Variants in NRG1 observed in about 807,000 individuals in gnomAD.
The protein encoded by NRG1 is neuregulin 1, also known as pro-neuregulin-1, membrane-bound isoform.
NRG1 carries 18 observed loss-of-function variants against 63.8 expected under a neutral mutation model. The ratio of observed to expected loss-of-function variants is 0.28; its 90% CI spans 0.19 to 0.42. NRG1 has a LOEUF of 0.42. Among genes scored for constraint, NRG1 ranks in the 10% least tolerant of loss-of-function variants. The pLI is 1.00. For missense variants in NRG1, 762 were observed against 814.7 expected, an observed-to-expected ratio of 0.94 and a Z score of 0.79; for synonymous variants, 302 against 301.3, an observed-to-expected ratio of 1.00 and a Z score of -0.02.
chr8:32,259,984 G>A (rs1850184337), intron 1 of NRG1, among the ~76,000 whole-genome samples: 1 of 151,972 alleles, frequency 6.6e-6, no homozygotes, highest in Non-Finnish European at 1.5e-5. Flanking sequence ...CTTGAACTTG[G>A]TAATTAAATT....
At chr8:32,748,789 A>G (rs1564099950) in intron 7 of NRG1, 3 of 447,172 alleles carry the variant, frequency 6.7e-6, no homozygotes, top group Non-Finnish European at 1.3e-5. Flanking sequence ...TTACAGTTTG[A>G]AAAAAGTGAG....
intron 5 of NRG1, among the ~76,000 whole-genome samples, chr8:32,645,313 T>C (rs553458868): frequency 6.6e-6 from 1 of 152,180 alleles, no homozygotes; most frequent in African/African-American, 2.4e-5. Flanking sequence ...TAGGAATTAT[T>C]TTTAAACACC....
At chr8:32,078,788 G>A (rs892892606) in intron 1 of NRG1, among the ~76,000 whole-genome samples, 10 of 151,998 alleles carry the variant, frequency 6.6e-5, no homozygotes, top group African/African-American at 2.4e-4. Flanking sequence ...CCTCCCTCCT[G>A]TTTAGTTCCA....
chr8:31,797,782 C>A (rs1180310434), intron 1 of NRG1, among the ~76,000 whole-genome samples: 1 of 152,154 alleles, frequency 6.6e-6, no homozygotes, highest in African/African-American at 2.4e-5. Context: ...GATATAGAAT[C>A]CACCTAGGTG....
chr8:31,843,011 G>A (rs16878334), intron 1 of NRG1, among the ~76,000 whole-genome samples: 22,051 of 151,960 alleles, frequency 0.15, 2,003 homozygotes, highest in Non-Finnish European at 0.19. Context: ...TAAATTATGC[G>A]TATTAACACA....
chr8:31,688,613 C>T lies in NRG1; in HGVS notation c.37+49182C>T, dbSNP rs149048828. Among the ~76,000 whole-genome samples the T allele has an allele frequency of 2.2e-4, 34 of 152,068 alleles. No individual in the cohort carries two copies. The East Asian group carries it at 4.1e-3, about 18-fold the overall frequency. ...TCATAGACTAAAAAAACCAGTTTGC[C>T]GACTATACACATATATACACTATGA... On this transcript the variant is annotated intron_variant, in intron 1 of 10. Transcript: ENST00000519301.
rs1589634559 is a variant in NRG1 at position 32,759,292 on chromosome 8, CTT to C, written c.922-12_922-11del. On this transcript the variant is annotated splice_polypyrimidine_tract_variant and intron_variant, in intron 9 of 11. Transcript: ENST00000356819. The stretch of plus-strand genomic sequence containing the variant: ...CTACGTGAATCTTCAAGTTGTGTCT[CTT>C]TGTTTATCCAGCAATACGTATCTAA... 1.9e-6 allele frequency: 3 copies of C among 1,611,026 alleles called. No individual in the cohort carries two copies. The highest frequency in any genetic ancestry group is 2.5e-6 in the Non-Finnish European group (3 of 1,178,446).
intron 1 of NRG1, among the ~76,000 whole-genome samples, chr8:32,245,849 C>G (rs576217565): frequency 6.6e-6 from 1 of 152,130 alleles, no homozygotes; most frequent in African/African-American, 2.4e-5. Flanking sequence ...ATATCAAGAA[C>G]TCACCAACAG....
rs1387098212 is a variant in NRG1 at position 32,548,346 on chromosome 8, G to GGAGCT, written c.-376_-372dup. 5.9e-6 allele frequency: 6 copies of GGAGCT among 1,010,270 alleles called. No homozygotes were observed. In the African/African-American group the frequency reaches 1.0e-4, roughly 17 times the overall value. The allele number at this position is 1,010,270 out of a possible 1,614,324, so 62.6% of individuals were successfully genotyped here. On this transcript the variant is annotated 5_prime_UTR_variant, in exon 1 of 12. Coordinates refer to ENST00000356819, the Ensembl canonical transcript of NRG1. Reference sequence around the variant, plus strand: ...GAACTCCGGGCTCGCGCGGAGGCCAGGAGCTGAGCGGCGGCGGCTGCCGGA... The same window carrying GGAGCT: ...GAACTCCGGGCTCGCGCGGAGGCCAGGAGCTGAGCTGAGCGGCGGCGGCTGCCGGA...
chr8:32,229,375 C>T (rs1277086918), intron 1 of NRG1, among the ~76,000 whole-genome samples: 3 of 152,232 alleles, frequency 2.0e-5, no homozygotes, highest in East Asian at 3.9e-4. Flanking sequence ...TATTGTGAGT[C>T]AGGGTTCTCC....
At chr8:31,813,761 A>G in intron 1 of NRG1, among the ~76,000 whole-genome samples, 1 of 151,978 alleles carries the variant, frequency 6.6e-6, no homozygotes, top group Non-Finnish European at 1.5e-5. Flanking sequence ...TCCTCGGCTC[A>G]AGTGATCCAC....
intron 5 of NRG1, among the ~76,000 whole-genome samples, chr8:32,693,900 C>CT (rs758293365): frequency 4.0e-4 from 61 of 152,302 alleles, no homozygotes; most frequent in Middle Eastern, 6.8e-3. Context: ...TATAGACCCT[C>CT]TAATTTTGAG....
chr8:31,651,361 T>A (rs962998407), intron 1 of NRG1, among the ~76,000 whole-genome samples: 1 of 152,220 alleles, frequency 6.6e-6, no homozygotes, highest in Non-Finnish European at 1.5e-5. Context: ...AGTTCAGTCA[T>A]TTGTGGTGCT....
intron 1 of NRG1, among the ~76,000 whole-genome samples, chr8:31,719,751 T>C (rs1017448516): frequency 6.6e-6 from 1 of 152,170 alleles, no homozygotes; most frequent in Non-Finnish European, 1.5e-5. Context: ...GCCATAGTCA[T>C]GCATGACATG....
At chr8:32,750,865 G>T (rs532463806) in intron 7 of NRG1, among the ~76,000 whole-genome samples, 1 of 152,022 alleles carries the variant, frequency 6.6e-6, no homozygotes. Flanking sequence ...GTTGTGTACT[G>T]AGGGGAGCTA....
chr8:32,052,437 C>T (rs1206324362), intron 1 of NRG1, among the ~76,000 whole-genome samples: 1 of 151,662 alleles, frequency 6.6e-6, no homozygotes, highest in African/African-American at 2.4e-5. Flanking sequence ...CACCATGCCC[C>T]ATTAATTTTT....
intron 1 of NRG1, among the ~76,000 whole-genome samples, chr8:32,103,138 A>G (rs1283496842): frequency 6.6e-6 from 1 of 152,124 alleles, no homozygotes; most frequent in African/African-American, 2.4e-5. Context: ...AGGTCTTCTA[A>G]TTATTTTTTG....
upstream of NRG1, among the ~76,000 whole-genome samples, chr8:32,546,411 G>A (rs1833074649): frequency 6.6e-6 from 1 of 151,934 alleles, no homozygotes; most frequent in Non-Finnish European, 1.5e-5. Context: ...TAGAGAATAT[G>A]TGGTAGTGTA....
chr8:31,749,049 A>T (rs1174728048), intron 1 of NRG1, among the ~76,000 whole-genome samples: 1 of 151,936 alleles, frequency 6.6e-6, no homozygotes, highest in East Asian at 1.9e-4. Context: ...TAAATTGTGC[A>T]TTATACAATA....
Sources: gnomAD v4.1 joint callset for allele counts (sites outside exome capture counted in the v4.1 genomes callset) on GRCh38, gnomAD v4.1.1 for gene constraint, MANE v1.5 for transcripts, NCBI Gene and HGNC (gene_info 2026-07-23, HGNC 2026-07-21) for gene names.